The following DOCK1 variants were observed in gnomAD, a reference collection of about 807,000 sequenced individuals.
DOCK1 encodes the protein dedicator of cytokinesis protein 1.
In DOCK1, 138 loss-of-function variants were observed where a neutral mutation model predicts 262.7. The observed-to-expected ratio is 0.53, with a 90% confidence interval of 0.46 to 0.61. DOCK1 has a LOEUF of 0.61. DOCK1 is among the 20% of genes least tolerant of loss of function. The probability of loss-of-function intolerance (pLI) is 0.00; values close to 1 mark genes in which losing one functional copy is unlikely to be tolerated. For missense variants in DOCK1, 1,908 were observed against 2,370.7 expected (o/e 0.80, Z 4.05); for synonymous variants, 866 against 867.4 (o/e 1.00, Z 0.03).
At chr10:127,054,194 C>G (rs1407347486) in intron 22 of DOCK1, among the ~76,000 whole-genome samples, 1 of 152,184 alleles carries the variant, frequency 6.6e-6, no homozygotes, top group Non-Finnish European at 1.5e-5. Context: ...AATTCAAAAT[C>G]TAACCATGTG....
intron 50 of DOCK1, 33 bp downstream of exon 50, chr10:127,444,312 C>G: frequency 6.4e-7 from 1 of 1,555,234 alleles, no homozygotes; most frequent in Non-Finnish European, 8.7e-7. Context: ...ACGAATCGTG[C>G]TATAGCTCCG....
intron 1 of DOCK1, among the ~76,000 whole-genome samples, chr10:126,948,431 G>GT (rs2035799108): frequency 1.4e-5 from 2 of 147,776 alleles, no homozygotes; most frequent in Non-Finnish European, 3.1e-5. Flanking sequence ...GGTGGTGGTG[G>GT]TGGTAATACT....
At chr10:127,313,980 C>T (rs951159350) in intron 29 of DOCK1, among the ~76,000 whole-genome samples, 2 of 152,126 alleles carry the variant, frequency 1.3e-5, no homozygotes, top group African/African-American at 2.4e-5. Flanking sequence ...TTGTGTGGAA[C>T]GTATTTTATG....
At position 127,362,865 on chromosome 10, in the gene DOCK1, A is replaced by C. The variant is rs1249942704; in HGVS notation, c.3432+653A>C. 4.1e-3 allele frequency among the ~76,000 whole-genome samples: 585 copies of C among 142,558 alleles called. 18 individuals are homozygous for C. The highest frequency in any genetic ancestry group is 7.1e-3 in the Middle Eastern group (2 of 280). 93.5% of individuals were successfully genotyped at this position (142,558 alleles called of 152,430 possible). A position where few individuals can be genotyped will look rare whatever the true frequency, so the allele number is the denominator to read the frequency against. On this transcript the variant is annotated intron_variant, in intron 33 of 51. Coordinates refer to ENST00000623213, the MANE Select transcript of DOCK1 (RefSeq NM_001290223.2). ...CACACACACACACATGTACATCCCC[A>C]CACACACACATACACATCCCCACAC...
At chr10:127,284,142 C>T (rs1278279574) in intron 29 of DOCK1, among the ~76,000 whole-genome samples, 1 of 152,010 alleles carries the variant, frequency 6.6e-6, no homozygotes, top group Non-Finnish European at 1.5e-5. Flanking sequence ...ATCCTTTGCT[C>T]ATTAATCTAT....
intron 1 of DOCK1, among the ~76,000 whole-genome samples, chr10:126,927,373 T>C (rs557451490): frequency 1.3e-5 from 2 of 152,292 alleles, no homozygotes; most frequent in African/African-American, 4.8e-5. Flanking sequence ...GCAGTGAACT[T>C]TGGAGTTAGA....
intron 27 of DOCK1, among the ~76,000 whole-genome samples, chr10:127,205,241 C>G (rs1485044720): frequency 1.3e-5 from 2 of 152,108 alleles, no homozygotes; most frequent in Non-Finnish European, 2.9e-5. Context: ...CCTTCAGATT[C>G]ATACGTTATT....
chr10:126,915,812 C>T (rs2032421590), intron 1 of DOCK1, among the ~76,000 whole-genome samples: 1 of 152,180 alleles, frequency 6.6e-6, no homozygotes, highest in Admixed American at 6.5e-5. Flanking sequence ...TCCAAAAACA[C>T]ATGCACACCC....
rs1165179511 is a variant in DOCK1, at chr10:127,429,008, G to A, written c.4914+2997G>A. 1.8e-3 allele frequency among the ~76,000 whole-genome samples: 262 copies of A among 143,916 alleles called. 1 individual carries two copies. Among genetic ancestry groups the A allele is most frequent in the African/African-American group, 5.7e-3 (218 of 38,278 alleles). The allele number at this position is 143,916 out of a possible 152,430, so 94.4% of individuals were successfully genotyped here. ...GGGGTGCCGTGTGGATTGGGATGCC[G>A]TGTGGATTGGGGTGCCGTGTGGATT... On this transcript the variant is annotated intron_variant, in intron 47 of 51. Transcript: ENST00000623213.
chr10:127,415,940 G>C (rs1239274436), intron 44 of DOCK1, among the ~76,000 whole-genome samples: 1 of 152,230 alleles, frequency 6.6e-6, no homozygotes, highest in East Asian at 1.9e-4. Flanking sequence ...ATGTGTCTCA[G>C]TGCCTTTTGT....
chr10:127,000,109 T>G, intron 9 of DOCK1, 63 bp from the exon 10 acceptor site: 2 of 1,582,318 alleles, frequency 1.3e-6, no homozygotes, highest in Non-Finnish European at 1.7e-6. Context: ...TACTGTCCTT[T>G]TCATTGGAGC....
At chr10:127,204,866 C>T (rs940023006) in intron 27 of DOCK1, among the ~76,000 whole-genome samples, 5 of 152,148 alleles carry the variant, frequency 3.3e-5, no homozygotes, top group Non-Finnish European at 7.3e-5. Flanking sequence ...GACAAGCCAT[C>T]CTTGCACATG....
intron 11 of DOCK1, among the ~76,000 whole-genome samples, chr10:127,010,102 T>C (rs979435626): frequency 8.2e-6 from 1 of 122,054 alleles, no homozygotes; most frequent in Non-Finnish European, 2.0e-5. Flanking sequence ...AAGGTCTCTT[T>C]GTGGCTTAAA....
At position 127,343,705 on chromosome 10, in the gene DOCK1, G is replaced by A. The variant is rs188272337; in HGVS notation, c.3183G>A (p.Leu1061=). 9.3e-6 allele frequency: 15 copies of A among 1,611,306 alleles called. No homozygotes were observed. The African/African-American group carries it at 2.0e-4, about 21-fold the overall frequency. ...VAFLTQESLQ[L]ENFSSAKRAK... is the part of the protein sequence containing the mutation. The stretch of plus-strand genomic sequence containing the variant: ...TCCTTACTCAAGAGTCCCTGCAACT[G>A]GAGAATTTTTCAAGTGCCAAGAGAG... Residue 1061 remains leucine (L), a synonymous_variant, in exon 31 of 52, where the codon CTG becomes CTA. Transcript: ENST00000623213.
chr10:127,136,666 TCTAAGTGTTA>T (rs2050728667), intron 27 of DOCK1: 1 of 152,670 alleles, frequency 6.6e-6, no homozygotes. Context: ...AAGAGAGAAC[TCTAAGTGTTA>T]CTGTTGATTT....
intron 27 of DOCK1, among the ~76,000 whole-genome samples, chr10:127,147,376 C>T (rs1484486426): frequency 2.0e-5 from 3 of 152,158 alleles, no homozygotes; most frequent in African/African-American, 4.8e-5. Context: ...CAAATCCTCC[C>T]TAACCTGGCC....
intron 1 of DOCK1, among the ~76,000 whole-genome samples, chr10:126,921,859 C>A (rs1214086941): frequency 1.3e-5 from 2 of 151,810 alleles, no homozygotes; most frequent in African/African-American, 2.4e-5. Context: ...GCCATGTCGG[C>A]CAGGCTGGTC....
rs371662162 is a variant in DOCK1, at chr10:127,317,661, A to G, written c.3045-21345A>G. On this transcript the variant is annotated intron_variant, in intron 29 of 51. Transcript: ENST00000623213. Reference sequence around the variant, plus strand: ...TTGTGCTGCACCCTCTTGAATAGCAACTTAATACATGTCCGGGAGCCGCCT... The same window carrying G: ...TTGTGCTGCACCCTCTTGAATAGCAGCTTAATACATGTCCGGGAGCCGCCT... 7.2e-5 allele frequency among the ~76,000 whole-genome samples: 11 copies of G among 152,332 alleles called. No individual in the cohort carries two copies. The East Asian group carries it at 1.5e-3, about 21-fold the overall frequency.
intron 27 of DOCK1, among the ~76,000 whole-genome samples, chr10:127,235,998 A>G (rs766548389): frequency 7.9e-5 from 12 of 152,036 alleles, no homozygotes; most frequent in Non-Finnish European, 1.8e-4. Context: ...AGAGTTTGTC[A>G]TATACTGCGG....
Sources: gnomAD v4.1 joint callset for allele counts (sites outside exome capture counted in the v4.1 genomes callset) on GRCh38, gnomAD v4.1.1 for gene constraint, MANE v1.5 for transcripts, NCBI Gene and HGNC (gene_info 2026-07-23, HGNC 2026-07-21) for gene names.